HORMAD1: variants seen among roughly 807,000 people sequenced by gnomAD.
HORMAD1 encodes the protein HORMA domain containing 1.
Under a neutral mutation model 58.2 loss-of-function variants are expected in HORMAD1, and 33 were observed. That is an observed-to-expected ratio of 0.57 (90% CI 0.43 to 0.76). The LOEUF is 0.76. Ranked by LOEUF, HORMAD1 falls within the 30% of genes least tolerant of loss-of-function variation. The probability of loss-of-function intolerance (pLI) is 0.00; values close to 1 mark genes in which losing one functional copy is unlikely to be tolerated. For synonymous variants in HORMAD1, 137 were observed against 144.6 expected (o/e 0.95, Z 0.38); for missense variants, 363 against 462.0 (o/e 0.79, Z 1.96).
intron 5 of HORMAD1, 34 bp downstream of exon 5, chr1:150,714,051 A>C: frequency 7.6e-7 from 1 of 1,316,478 alleles, no homozygotes; most frequent in Non-Finnish European, 1.1e-6. Context: ...CATAAACTGT[A>C]GAAAAAAAAG....
intron 12 of HORMAD1, among the ~76,000 whole-genome samples, chr1:150,703,894 G>T (rs1365106563): frequency 6.6e-6 from 1 of 152,084 alleles, no homozygotes; most frequent in Non-Finnish European, 1.5e-5. Flanking sequence ...GAAATTCTCA[G>T]ATTCTACCAA....
At chr1:150,709,689 GAT>G (rs1234306301) in intron 7 of HORMAD1, among the ~76,000 whole-genome samples, 1 of 152,008 alleles carries the variant, frequency 6.6e-6, no homozygotes, top group East Asian at 1.9e-4. Context: ...TTGCAGTTGA[GAT>G]AGAGGAAGGC....
rs1652228507 is a variant in HORMAD1, at chr1:150,720,813, G to C, written c.-43C>G. On this transcript the variant is annotated 5_prime_UTR_variant, in exon 1 of 15. Coordinates refer to ENST00000361824, the MANE Select transcript of HORMAD1 (RefSeq NM_032132.5). ...CACTAATATATATTACATTACGTCT[G>C]AGGGGCGGGCGCCGGAGACCAGAAG... is the stretch of plus-strand genomic sequence containing the variant. The C allele has an allele frequency of 6.6e-6, 1 of 152,250 alleles. No individual in the cohort carries two copies. Among genetic ancestry groups the C allele is most frequent in the South Asian group, 2.1e-4 (1 of 4,826 alleles). The allele number at this position is 152,250 out of a possible 1,614,324, so 9.4% of individuals were successfully genotyped here.
intron 10 of HORMAD1, among the ~76,000 whole-genome samples, chr1:150,705,044 AAAAACAAAAC>A (rs779754063): frequency 7.9e-5 from 12 of 152,102 alleles, no homozygotes; most frequent in African/African-American, 1.4e-4. Context: ...CTCTGTCTCA[AAAAACAAAAC>A]AAAACAAAAC....
chr1:150,707,093 G>T (rs186826590), intron 9 of HORMAD1, among the ~76,000 whole-genome samples: 3 of 151,962 alleles, frequency 2.0e-5, no homozygotes, highest in African/African-American at 7.3e-5. Flanking sequence ...TACTTCATAG[G>T]GTCATTGTGG....
At chr1:150,713,908 T>A (rs1269883955) in intron 5 of HORMAD1, 177 bp downstream of exon 5, 2 of 593,962 alleles carry the variant, frequency 3.4e-6, no homozygotes, top group Non-Finnish European at 6.1e-6. Flanking sequence ...AATTCCATTA[T>A]CTTTAAATGA....
rs757125157 is a variant in HORMAD1 at position 150,717,220 on chromosome 1, C to G, written c.96G>C (p.Arg32Ser). 1.3e-5 allele frequency: 21 copies of G among 1,596,026 alleles called. No individual in the cohort carries two copies. The highest frequency in any genetic ancestry group is 1.8e-5 in the Non-Finnish European group (21 of 1,167,692). ...TEHQSLVLVK[R>S]LLAVSVSCIT... ...TACAGGATACTGAAACTGCTAGAAG[C>G]CTCTTCACTAACACCAAAGACTGGT... The change falls in exon 3 of 15, where the codon AGG becomes AGC. Residue 32 changes from arginine (R) to serine (S), a missense_variant. Arg to Ser is a moderately radical substitution (Grantham distance 110). This residue lies in a region of HORMAD1 where 128 missense variants were observed against 171.8 expected (regional missense o/e 0.74). Coordinates refer to ENST00000361824, the MANE Select transcript of HORMAD1 (RefSeq NM_032132.5).
chr1:150,708,749 C>T (rs1651772596), intron 8 of HORMAD1, 145 bp downstream of exon 8: 2 of 549,172 alleles, frequency 3.6e-6, no homozygotes, highest in African/African-American at 3.9e-5. Context: ...TACTGCAAGC[C>T]ACCACTCCAT....
chr1:150,706,648 C>T lies in HORMAD1; in HGVS notation c.709G>A (p.Asp237Asn). The T allele has an allele frequency of 6.2e-7, 1 of 1,613,022 alleles. No homozygotes were observed. Among genetic ancestry groups the T allele is most frequent in the Non-Finnish European group, 8.5e-7 (1 of 1,179,520 alleles). Residue 237 changes from aspartate (D) to asparagine (N), a missense_variant, in exon 10 of 15, where the codon GAC becomes AAC. Coordinates refer to ENST00000361824, the MANE Select transcript of HORMAD1 (RefSeq NM_032132.5). ...TTERERMENI[D>N]STILSPKQIK... ...TGTTTTGGTGATAGTATAGTTGAGT[C>T]AATATTTTCCATTCGTTCTCTCTCA... is the stretch of plus-strand genomic sequence containing the variant.
intron 10 of HORMAD1, among the ~76,000 whole-genome samples, chr1:150,705,874 G>A (rs920918206): frequency 4.6e-5 from 7 of 152,152 alleles, no homozygotes; most frequent in Admixed American, 6.5e-5. Context: ...AGAATAAATT[G>A]AGACACAGAA....
intron 10 of HORMAD1, 118 bp from the exon 11 acceptor site, chr1:150,704,461 A>C: frequency 1.5e-6 from 1 of 660,512 alleles, no homozygotes; most frequent in Non-Finnish European, 2.5e-6. Flanking sequence ...ATATAAAACT[A>C]CTGGCCGGGC....
At chr1:150,712,631 C>T (rs1427559968) in intron 5 of HORMAD1, among the ~76,000 whole-genome samples, 1 of 152,198 alleles carries the variant, frequency 6.6e-6, no homozygotes, top group Non-Finnish European at 1.5e-5. Context: ...TTACTGCAAT[C>T]TCCACCTCCC....
chr1:150,703,274 G>C, intron 13 of HORMAD1, 36 bp downstream of exon 13: 1 of 1,081,404 alleles, frequency 9.2e-7, no homozygotes, highest in South Asian at 1.4e-5. Flanking sequence ...AGAATTACAA[G>C]GTTACAATGG....
intron 3 of HORMAD1, 71 bp downstream of exon 3, chr1:150,717,067 T>A: frequency 1.0e-6 from 1 of 970,654 alleles, no homozygotes; most frequent in South Asian, 2.3e-5. Context: ...AAGTCAAAAA[T>A]TATAGTTTTG....
At chr1:150,720,682 G>T (rs2101896864) in intron 1 of HORMAD1, 122 bp downstream of exon 1, 1 of 152,302 alleles carries the variant, frequency 6.6e-6, no homozygotes, top group African/African-American at 2.4e-5. Context: ...CATTTTTACC[G>T]CAAATGTTTT....
Position 150,720,867 on chromosome 1 carries a change from C to G in HORMAD1, c.-97G>C, listed in dbSNP as rs1377119554. 1 of 152,244 alleles carries G rather than the reference C, an allele frequency of 6.6e-6. No homozygotes were observed. Among genetic ancestry groups the G allele is most frequent in the African/African-American group, 2.4e-5 (1 of 41,468 alleles). 9.4% of individuals were successfully genotyped at this position (152,244 alleles called of 1,614,324 possible). On this transcript the variant is annotated 5_prime_UTR_variant, in exon 1 of 15. Transcript: ENST00000361824. ...TGCACGAGGCTGCACGCGCTGTGCC[C>G]GACGCGCATGCGCTTTCCTTCAACG... is the stretch of plus-strand genomic sequence containing the variant.
At position 150,717,259 on chromosome 1, in the gene HORMAD1, CT is replaced by C; in HGVS notation, c.56del (p.Lys19ArgfsTer11). On this transcript the variant is annotated frameshift_variant, in exon 3 of 15. Transcript: ENST00000361824. LOFTEE classifies it high-confidence loss of function. ...TPMSALVFPN[K>X]ISTEHQSLVL... ...CCAAAGACTGGTGTTCAGTTGATAT[CT>C]TATTGGGAAATACCAGTGCACTCTA... 6.3e-7 allele frequency: 1 copy of C among 1,579,720 alleles called. No individual in the cohort carries two copies.
At chr1:150,710,365 C>T (rs1431152643) in intron 7 of HORMAD1, among the ~76,000 whole-genome samples, 1 of 151,950 alleles carries the variant, frequency 6.6e-6, no homozygotes, top group African/African-American at 2.4e-5. Flanking sequence ...GTTTCCCCAG[C>T]TAAAAAAGAG....
intron 5 of HORMAD1, 82 bp downstream of exon 5, chr1:150,714,003 T>C (rs1651985402): frequency 1.1e-6 from 1 of 888,808 alleles, no homozygotes. Flanking sequence ...TTCAAATGAA[T>C]GTTTTACTAC....
Sources: allele counts gnomAD v4.1 joint callset (sites outside exome capture counted in the v4.1 genomes callset), GRCh38; gene constraint gnomAD v4.1.1; regional missense constraint gnomAD v4.1.1; transcripts MANE v1.5; gene names NCBI Gene and HGNC (gene_info 2026-07-23, HGNC 2026-07-21).